The following DCTN4 variants were observed in gnomAD, a reference collection of about 807,000 sequenced individuals.
DCTN4 encodes dynactin subunit 4, also known as dynactin 4 (p62).
DCTN4 carries 23 observed loss-of-function variants against 62.7 expected under a neutral mutation model. The ratio of observed to expected loss-of-function variants is 0.37; its 90% CI spans 0.26 to 0.52. The LOEUF (loss-of-function observed/expected upper bound fraction) is 0.52. Among genes scored for constraint, DCTN4 ranks in the 20% least tolerant of loss-of-function variants. The pLI is 0.92. For synonymous variants in DCTN4, 199 were observed against 202.1 expected, an observed-to-expected ratio of 0.98 and a Z score of 0.13; for missense variants, 514 against 580.4, an observed-to-expected ratio of 0.89 and a Z score of 1.18.
chr5:150,720,456 C>T (rs1363310604), intron 9 of DCTN4, among the ~76,000 whole-genome samples: 2 of 150,718 alleles, frequency 1.3e-5, no homozygotes, highest in African/African-American at 4.9e-5. Flanking sequence ...TTCAGTAGGT[C>T]TGAGGTTTGA....
intron 8 of DCTN4, among the ~76,000 whole-genome samples, chr5:150,725,149 C>T (rs927514272): frequency 1.5e-5 from 2 of 134,414 alleles, no homozygotes; most frequent in Non-Finnish European, 3.1e-5. Flanking sequence ...CAGAGTGAGA[C>T]TCCGTCTCAA....
At chr5:150,731,195 AG>A in intron 6 of DCTN4, 39 bp from the exon 7 acceptor site, 1 of 1,392,396 alleles carries the variant, frequency 7.2e-7, no homozygotes, top group Non-Finnish European at 1.0e-6. Context: ...AAAACAAAAG[AG>A]TAATTTCTCA....
intron 8 of DCTN4, among the ~76,000 whole-genome samples, chr5:150,730,245 AG>A (rs1760310340): frequency 6.6e-6 from 1 of 152,228 alleles, no homozygotes; most frequent in African/African-American, 2.4e-5. Flanking sequence ...TTTGTTCTGT[AG>A]ATTACCAGAG....
At chr5:150,741,432 C>T (rs1036599231) in intron 4 of DCTN4, among the ~76,000 whole-genome samples, 6 of 152,188 alleles carry the variant, frequency 3.9e-5, no homozygotes, top group Non-Finnish European at 7.3e-5. Flanking sequence ...GCCTTAGCTT[C>T]CTGAGTAATG....
In DCTN4 at chr5:150,756,428, T is replaced by C. The variant is rs747708883; in HGVS notation, c.195A>G (p.Leu65=). The C allele has an allele frequency of 2.1e-5, 33 of 1,598,852 alleles. 1 individual carries two copies. The Admixed American group carries it at 3.5e-4, about 17-fold the overall frequency. ...AGTCCAGGTCTTACCTATTCTTTTTTAGTTTGGCTTCAGCCGATGGCATAT... is the reference window on the plus strand; with the variant it reads ...AGTCCAGGTCTTACCTATTCTTTTTCAGTTTGGCTTCAGCCGATGGCATAT... ...LENMPSAEAK[L]KKNRCANCFD... is the part of the protein sequence containing the mutation. Residue 65 remains leucine, a synonymous_variant, in exon 2 of 13, where the codon CTA becomes CTG. Transcript: ENST00000447998.
intron 12 of DCTN4, 60 bp downstream of exon 12, chr5:150,715,505 A>T: frequency 8.4e-6 from 11 of 1,304,928 alleles, no homozygotes; most frequent in Non-Finnish European, 1.2e-5. Flanking sequence ...AAAACTGGAT[A>T]TAAGTGGGCA....
intron 3 of DCTN4, among the ~76,000 whole-genome samples, chr5:150,744,573 C>G (rs1760891112): frequency 6.6e-6 from 1 of 152,162 alleles, no homozygotes; most frequent in Non-Finnish European, 1.5e-5. Context: ...GGAAGCCCAT[C>G]AGACTAACAG....
chr5:150,756,639 G>GT (rs35101821), intron 1 of DCTN4, 152 bp from the exon 2 acceptor site: 219,195 of 294,372 alleles, frequency 0.74, 73,516 homozygotes, highest in Admixed American at 0.87. Context: ...TCAGTCACCT[G>GT]TTTTTTTTTT....
chr5:150,758,395 G>T (rs936811758), intron 1 of DCTN4: 1 of 990,354 alleles, frequency 1.0e-6, no homozygotes, highest in African/African-American at 1.7e-5. Flanking sequence ...TCAGGAACAG[G>T]GCAAGGCAGT....
intron 2 of DCTN4, among the ~76,000 whole-genome samples, chr5:150,754,403 G>T (rs1752782954): frequency 6.6e-6 from 1 of 152,198 alleles, no homozygotes; most frequent in East Asian, 1.9e-4. Flanking sequence ...AGGATTAAAT[G>T]ATAAAAATTA....
chr5:150,744,437 G>C (rs1011130771), intron 3 of DCTN4, among the ~76,000 whole-genome samples: 4 of 151,830 alleles, frequency 2.6e-5, no homozygotes, highest in Non-Finnish European at 4.4e-5. Flanking sequence ...GAAATACAGA[G>C]AATGCCACAA....
At position 150,709,975 on chromosome 5, in the gene DCTN4, A is replaced by T. The variant is rs1193319962; in HGVS notation, c.*1174T>A. 6.6e-6 allele frequency: 1 copy of T among 152,388 alleles called. No homozygotes were observed. Among genetic ancestry groups the T allele is most frequent in the Non-Finnish European group, 1.5e-5 (1 of 68,050 alleles). 9.4% of individuals were successfully genotyped at this position (152,388 alleles called of 1,614,324 possible). A position where few individuals can be genotyped will look rare whatever the true frequency, so the allele number is the denominator to read the frequency against. On this transcript the variant is annotated 3_prime_UTR_variant, in exon 13 of 13. Transcript: ENST00000447998. ...GTTAGCAACCCAACTCCAGGATACC[A>T]AGTGAAAACAGCAAGTCTGCTGTTA...
At chr5:150,717,113 T>C (rs1561688864) in intron 11 of DCTN4, among the ~76,000 whole-genome samples, 1 of 152,186 alleles carries the variant, frequency 6.6e-6, no homozygotes, top group South Asian at 2.1e-4. Context: ...CATGCTGAAT[T>C]ATGAATTAGT....
chr5:150,747,477 G>A (rs2113126766), intron 3 of DCTN4, among the ~76,000 whole-genome samples: 1 of 152,270 alleles, frequency 6.6e-6, no homozygotes, highest in East Asian at 1.9e-4. Context: ...AGCCCGCATT[G>A]CCAAGTCAAT....
At chr5:150,720,137 AG>A (rs1404948317) in intron 9 of DCTN4, among the ~76,000 whole-genome samples, 2 of 152,380 alleles carry the variant, frequency 1.3e-5, no homozygotes, top group African/African-American at 4.8e-5. Context: ...GTTATTGTGA[AG>A]AATACATGCA....
intron 3 of DCTN4, among the ~76,000 whole-genome samples, chr5:150,752,930 G>A (rs1214809194): frequency 1.3e-5 from 2 of 151,424 alleles, no homozygotes; most frequent in Non-Finnish European, 2.9e-5. Flanking sequence ...GCAGAGGCCC[G>A]ATCTCGGCTC....
chr5:150,750,884 C>A (rs1475902290), intron 3 of DCTN4, among the ~76,000 whole-genome samples: 1 of 152,112 alleles, frequency 6.6e-6, no homozygotes, highest in Non-Finnish European at 1.5e-5. Context: ...CATGAATATA[C>A]ATATTTCATA....
intron 9 of DCTN4, 114 bp from the exon 10 acceptor site, chr5:150,719,884 A>G: frequency 1.5e-6 from 1 of 647,848 alleles, no homozygotes; most frequent in Non-Finnish European, 2.5e-6. Flanking sequence ...AATGTATCAG[A>G]AAAAAAATAA....
rs559670534 is a variant in DCTN4 at position 150,746,179 on chromosome 5, C to G, written c.386-4022G>C. 4.3e-3 allele frequency among the ~76,000 whole-genome samples: 656 copies of G among 152,102 alleles called. 4 individuals are homozygous for G. The highest frequency in any genetic ancestry group is 0.015 in the African/African-American group (628 of 41,436). On this transcript the variant is annotated intron_variant, in intron 3 of 12. Transcript: ENST00000447998. ...CTACAAACACCTCTATGCAAATAAA[C>G]TAGAAAATCTAGAAGAAATGGATAA...
Sources: allele counts gnomAD v4.1 joint callset (sites outside exome capture counted in the v4.1 genomes callset), GRCh38; gene constraint gnomAD v4.1.1; transcripts MANE v1.5; gene names NCBI Gene and HGNC (gene_info 2026-07-23, HGNC 2026-07-21).